The following ADAMTS13 variants were observed in gnomAD, a reference collection of about 807,000 sequenced individuals.
The protein encoded by ADAMTS13 is ADAM metallopeptidase with thrombospondin type 1 motif 13.
A neutral mutation model predicts 155.1 loss-of-function variants in ADAMTS13; 110 were observed. The observed-to-expected ratio is 0.71, with a 90% CI of 0.61 to 0.83. The LOEUF (loss-of-function observed/expected upper bound fraction) is 0.83, where lower values mean the gene tolerates loss of function less well. Ranked by LOEUF, ADAMTS13 falls within the 40% of genes least tolerant of loss-of-function variation. The probability of loss-of-function intolerance (pLI) is 0.00; values close to 1 mark genes in which losing one functional copy is unlikely to be tolerated. For missense variants in ADAMTS13, 1,707 were observed against 1,891.7 expected (o/e 0.90, Z 1.81); for synonymous variants, 758 against 756.4 (o/e 1.00, Z -0.03).
rs782587447 is a variant in ADAMTS13, at chr9:133,445,015, C to G, written c.2573C>G (p.Pro858Arg). The G allele has an allele frequency of 5.0e-6, 8 of 1,613,482 alleles. No individual in the cohort carries two copies. In the East Asian group the frequency reaches 1.6e-4, roughly 31 times the overall value. ...SVDEKLPAPE[P>R]CVGMSCPPGW... ...GATGAGAAGCTGCCTGCCCCTGAGC[C>G]CTGTGTCGGGATGTCATGTCCTCCA... The change falls in exon 20 of 29, where the codon CCC (proline) becomes CGC (arginine). Residue 858 changes from proline (P) to arginine (R), a missense_variant. Around this residue, in one of 3 missense-constraint regions of ADAMTS13, gnomAD observed 961 missense variants for 1,107.9 expected, o/e 0.87. Coordinates refer to ENST00000355699, the MANE Select transcript of ADAMTS13 (RefSeq NM_139027.6). This position sits in a 1 kb window ranked among gnomAD's most constrained non-coding sequence, Gnocchi z 5.0.
chr9:133,455,565 G>A lies in ADAMTS13; in HGVS notation c.3400+130G>A, dbSNP rs370692680. 49 of 1,607,850 alleles carry A rather than the reference G, an allele frequency of 3.0e-5. No homozygotes were observed. Among genetic ancestry groups the A allele is most frequent in the Middle Eastern group, 2.2e-4 (1 of 4,608 alleles). ...TTCTCCCCGGCTCCCCAGCCTCGGCGGCTCCTGCCCGGGCCCCAGGAAAAC... is the reference window on the plus strand; with the variant it reads ...TTCTCCCCGGCTCCCCAGCCTCGGCAGCTCCTGCCCGGGCCCCAGGAAAAC... On this transcript the variant is annotated intron_variant, in intron 25 of 28. Coordinates refer to ENST00000355699, the MANE Select transcript of ADAMTS13 (RefSeq NM_139027.6).
chr9:133,424,278 C>T lies in ADAMTS13; in HGVS notation c.173-43C>T. On this transcript the variant is annotated intron_variant, in intron 2 of 28. Coordinates refer to ENST00000355699, the MANE Select transcript of ADAMTS13 (RefSeq NM_139027.6). The surrounding 1 kb of genome is among the most constrained non-coding windows in gnomAD (Gnocchi z 4.3). Reference sequence around the variant, plus strand: ...TTTCCTGTTAGCTTTCCACTGCTTGCTCTCTAGAACCATCGCCCTCTGCTC... The same window carrying T: ...TTTCCTGTTAGCTTTCCACTGCTTGTTCTCTAGAACCATCGCCCTCTGCTC... 6.2e-7 allele frequency: 1 copy of T among 1,607,140 alleles called. No individual in the cohort carries two copies. The highest frequency in any genetic ancestry group is 1.1e-5 in the South Asian group (1 of 90,994).
chr9:133,443,429 G>A lies in ADAMTS13; in HGVS notation c.2288G>A (p.Arg763Gln), dbSNP rs781804540. 3 of 1,596,686 alleles carry A rather than the reference G, an allele frequency of 1.9e-6. No homozygotes were observed. The highest frequency in any genetic ancestry group is 2.2e-5 in the East Asian group (1 of 44,492). ...PCSASCGGGL[R>Q]ERPVRCVEAQ... ...AGCGCCTCCTGTGGGGGTGGCCTGC[G>A]GGAGCGGCCAGTGCGCTGCGTGGAG... is the stretch of plus-strand genomic sequence containing the variant. Residue 763 changes from arginine to glutamine, a missense_variant, in exon 19 of 29, where the codon CGG (arginine) becomes CAG (glutamine). Arg to Gln is a conservative substitution (Grantham distance 43). Coordinates refer to ENST00000355699, the MANE Select transcript of ADAMTS13 (RefSeq NM_139027.6).
Position 133,424,993 on chromosome 9 carries a change from C to T in ADAMTS13, c.330+515C>T, listed in dbSNP as rs779468246. Among the ~76,000 whole-genome samples the T allele has an allele frequency of 2.6e-4, 40 of 152,250 alleles. No homozygotes were observed. The highest frequency in any genetic ancestry group is 9.7e-4 in the East Asian group (5 of 5,178). Reference sequence around the variant, plus strand: ...CCTTCACTTGAAAGCTGGGGAAGGGCGGGCAGGGAAGCACTCCCCCACTAG... The same window carrying T: ...CCTTCACTTGAAAGCTGGGGAAGGGTGGGCAGGGAAGCACTCCCCCACTAG... On this transcript the variant is annotated intron_variant, in intron 3 of 28. Coordinates refer to ENST00000355699, the MANE Select transcript of ADAMTS13 (RefSeq NM_139027.6). The surrounding 1 kb of genome is among the most constrained non-coding windows in gnomAD (Gnocchi z 4.3).
Position 133,440,225 on chromosome 9 carries a change from G to T in ADAMTS13, c.1787-119G>T. The T allele has an allele frequency of 3.1e-6, 4 of 1,289,588 alleles. No homozygotes were observed. In the South Asian group the frequency reaches 3.6e-5, roughly 12 times the overall value. The allele number at this position is 1,289,588 out of a possible 1,614,324, so 79.9% of individuals were successfully genotyped here. ...CCGCTGTGGGGAAGCCTCTAGCTCA[G>T]ATGCCTGTGGCTCCTTAGAGGAGGG... On this transcript the variant is annotated intron_variant, in intron 15 of 28. Coordinates refer to ENST00000355699, the MANE Select transcript of ADAMTS13 (RefSeq NM_139027.6). The surrounding 1 kb of genome is among the most constrained non-coding windows in gnomAD (Gnocchi z 4.3).
chr9:133,451,429 T>C (rs1232223947), intron 23 of ADAMTS13, among the ~76,000 whole-genome samples: 1 of 152,204 alleles, frequency 6.6e-6, no homozygotes, highest in East Asian at 1.9e-4. Context: ...AGCTAACTTT[T>C]GTATTTTTAG....
upstream of ADAMTS13, chr9:133,417,947 ACACC>A (rs989661880): frequency 6.4e-6 from 7 of 1,097,696 alleles, no homozygotes; most frequent in Non-Finnish European, 7.7e-6. Context: ...AGGCCGAAAC[ACACC>A]CACCGCAGGG....
chr9:133,429,875 C>A (rs903657184), intron 7 of ADAMTS13, 64 bp from the exon 8 acceptor site: 18 of 1,530,266 alleles, frequency 1.2e-5, no homozygotes, highest in Non-Finnish European at 1.5e-5. Context: ...CCCACTCCTC[C>A]GTCCCGCCTC....
chr9:133,415,620 T>G (rs958612035), intron 1 of ADAMTS13: 1 of 152,564 alleles, frequency 6.6e-6, no homozygotes, highest in Middle Eastern at 3.4e-3. Flanking sequence ...CCAGTGGGAG[T>G]GGGCGCCACC....
Position 133,445,688 on chromosome 9 carries a change from A to G in ADAMTS13, c.2611-11A>G, listed in dbSNP as rs1035970151. 35 of 1,612,858 alleles carry G rather than the reference A, an allele frequency of 2.2e-5. No homozygotes were observed. Among genetic ancestry groups the G allele is most frequent in the East Asian group, 1.1e-4 (5 of 44,868 alleles). Reference sequence around the variant, plus strand: ...GGCCCAGACCCACCAGCTTGTTGCTATTCCCCACAGCTGGATGCCACCTCT... The same window carrying G: ...GGCCCAGACCCACCAGCTTGTTGCTGTTCCCCACAGCTGGATGCCACCTCT... On this transcript the variant is annotated splice_polypyrimidine_tract_variant and intron_variant, in intron 20 of 28. Transcript: ENST00000355699. This position sits in a 1 kb window ranked among gnomAD's most constrained non-coding sequence, Gnocchi z 5.0.
intron 7 of ADAMTS13, 36 bp from the exon 8 acceptor site, chr9:133,429,903 G>T (rs587716091): frequency 1.3e-6 from 2 of 1,534,520 alleles, no homozygotes; most frequent in Admixed American, 3.9e-5. Flanking sequence ...TGTACACCCC[G>T]GGACTGAGCC....
intron 2 of ADAMTS13, 39 bp downstream of exon 2, chr9:133,423,206 T>G: frequency 6.3e-7 from 1 of 1,590,266 alleles, no homozygotes; most frequent in Non-Finnish European, 8.6e-7. Flanking sequence ...GGGGAGTTTC[T>G]CAGGACTTTC....
intron 11 of ADAMTS13, among the ~76,000 whole-genome samples, chr9:133,435,344 G>A (rs1841103948): frequency 6.6e-6 from 1 of 151,742 alleles, no homozygotes. Flanking sequence ...GCGCCACCAT[G>A]CCTGGCTAAT....
At chr9:133,421,690 GGA>G, upstream of ADAMTS13, among the ~76,000 whole-genome samples, 1 of 152,334 alleles carries the variant, frequency 6.6e-6, no homozygotes, top group East Asian at 1.9e-4. Context: ...CGATGCAGGA[GGA>G]GAGAGCTGGG....
At chr9:133,420,194 G>A (rs1239573406), upstream of ADAMTS13, among the ~76,000 whole-genome samples, 5 of 151,578 alleles carry the variant, frequency 3.3e-5, no homozygotes, top group East Asian at 1.9e-4. Context: ...GTGAGCCACC[G>A]CACCTAGCCT....
intron 21 of ADAMTS13, among the ~76,000 whole-genome samples, chr9:133,447,957 G>A (rs1030419866): frequency 3.3e-5 from 5 of 151,664 alleles, no homozygotes; most frequent in Non-Finnish European, 7.4e-5. Context: ...CTTTATGATA[G>A]ACACAATCAG....
intron 16 of ADAMTS13, 28 bp from the exon 17 acceptor site, chr9:133,442,371 G>A: frequency 6.2e-7 from 1 of 1,613,808 alleles, no homozygotes. Flanking sequence ...GAACCCACTG[G>A]ACAAGGCCTG....
intron 22 of ADAMTS13, 124 bp downstream of exon 22, chr9:133,448,852 C>A: frequency 6.9e-7 from 1 of 1,447,708 alleles, no homozygotes; most frequent in Non-Finnish European, 9.3e-7. Context: ...CTGTGTGAGG[C>A]TGGACCATGG....
intron 18 of ADAMTS13, among the ~76,000 whole-genome samples, chr9:133,443,087 C>T (rs927782592): frequency 1.3e-5 from 2 of 152,170 alleles, no homozygotes; most frequent in East Asian, 1.9e-4. Flanking sequence ...GGGAGACTTG[C>T]GGAGCTCCTG....
Sources: allele counts gnomAD v4.1 joint callset (sites outside exome capture counted in the v4.1 genomes callset), GRCh38; gene constraint gnomAD v4.1.1; regional missense constraint gnomAD v4.1.1; non-coding constraint Gnocchi (gnomAD v3.1); transcripts MANE v1.5; gene names NCBI Gene and HGNC (gene_info 2026-07-23, HGNC 2026-07-21).